Variants in COX7B2 observed in about 807,000 individuals in gnomAD.
COX7B2 encodes the protein cytochrome c oxidase subunit 7B2.
For missense variants in COX7B2, 109 were observed against 95.9 expected (o/e 1.14, Z -0.57); for synonymous variants, 37 against 32.1 (o/e 1.15, Z -0.51).
intron 2 of COX7B2, among the ~76,000 whole-genome samples, chr4:46,768,426 C>T (rs1387762201): frequency 6.6e-6 from 1 of 152,166 alleles, no homozygotes; most frequent in Non-Finnish European, 1.5e-5. Context: ...CTCTGCTCCT[C>T]TGCCACTGGA....
At chr4:46,837,274 TACACACACACACACACACACACACAC>T (rs33927124) in intron 2 of COX7B2, among the ~76,000 whole-genome samples, 1 of 133,260 alleles carries the variant, frequency 7.5e-6, no homozygotes, top group Non-Finnish European at 1.7e-5. Flanking sequence ...CACAAAGACA[TACACACACACACACACACACACACAC>T]ACACACACAC....
intron 2 of COX7B2, among the ~76,000 whole-genome samples, chr4:46,794,976 C>T (rs1718246023): frequency 6.6e-6 from 1 of 152,178 alleles, no homozygotes; most frequent in Admixed American, 6.5e-5. Context: ...ATTCAGAACC[C>T]CTAGAATAAA....
chr4:46,808,183 T>C (rs566420204), intron 2 of COX7B2, among the ~76,000 whole-genome samples: 2 of 152,008 alleles, frequency 1.3e-5, no homozygotes, highest in South Asian at 4.1e-4. Context: ...TTTATTTGTG[T>C]CTTTTCAATC....
At chr4:46,792,490 C>A (rs1241063667) in intron 2 of COX7B2, among the ~76,000 whole-genome samples, 1 of 152,188 alleles carries the variant, frequency 6.6e-6, no homozygotes, top group Non-Finnish European at 1.5e-5. Context: ...TTTGAATTCT[C>A]TCTTTCTCTC....
intron 2 of COX7B2, among the ~76,000 whole-genome samples, chr4:46,825,010 A>G (rs1003347707): frequency 2.0e-5 from 3 of 152,118 alleles, no homozygotes; most frequent in Admixed American, 2.0e-4. Flanking sequence ...CTCATCTTCA[A>G]CACAATATTG....
rs1716290504 is a variant in COX7B2 at position 46,763,032 on chromosome 4, AAT to A, written c.-49-27793_-49-27792del. Among the ~76,000 whole-genome samples, 6 of 132,132 alleles carry A rather than the reference AAT, an allele frequency of 4.5e-5. No individual in the cohort carries two copies. The East Asian group carries it at 8.0e-4, about 18-fold the overall frequency. 86.7% of individuals were successfully genotyped at this position (132,132 alleles called of 152,430 possible). On this transcript the variant is annotated intron_variant, in intron 2 of 2. Coordinates refer to ENST00000355591, the MANE Select transcript of COX7B2 (RefSeq NM_130902.3). The stretch of plus-strand genomic sequence containing the variant: ...ATAATTATAATATATAATATAATAT[AAT>A]ATATATTATATATTATAATATGTAA...
intron 1 of COX7B2, among the ~76,000 whole-genome samples, chr4:46,868,846 G>GTA (rs1191907091): frequency 6.6e-6 from 1 of 152,166 alleles, no homozygotes; most frequent in African/African-American, 2.4e-5. Context: ...TGTGTATTCT[G>GTA]TTGGTTTTTG....
chr4:46,835,142 G>A (rs1303029602), intron 2 of COX7B2, among the ~76,000 whole-genome samples: 1 of 152,018 alleles, frequency 6.6e-6, no homozygotes, highest in Non-Finnish European at 1.5e-5. Context: ...GTAAGAAAAG[G>A]GGGATTATTA....
intron 2 of COX7B2, among the ~76,000 whole-genome samples, chr4:46,786,207 C>T (rs1345676633): frequency 1.3e-5 from 2 of 152,124 alleles, no homozygotes; most frequent in African/African-American, 4.8e-5. Context: ...AAGTATCTTG[C>T]CATTCCTGCT....
At chr4:46,807,715 TTTGCATATGGAAATCTA>T (rs1333869603) in intron 2 of COX7B2, among the ~76,000 whole-genome samples, 3 of 151,996 alleles carry the variant, frequency 2.0e-5, no homozygotes, top group African/African-American at 4.8e-5. Context: ...ACTTCATTCT[TTTGCATATGGAAATCTA>T]TTGCATATGG....
At chr4:46,835,332 G>T (rs978486193) in intron 2 of COX7B2, among the ~76,000 whole-genome samples, 2 of 152,000 alleles carry the variant, frequency 1.3e-5, no homozygotes, top group Non-Finnish European at 2.9e-5. Context: ...TTAGCAAATT[G>T]AATGTTTCTC....
At chr4:46,750,394 A>T (rs1465135174) in intron 2 of COX7B2, among the ~76,000 whole-genome samples, 1 of 152,166 alleles carries the variant, frequency 6.6e-6, no homozygotes. Context: ...CTTTGTCTCA[A>T]AACAAAAACA....
chr4:46,884,129 CA>C (rs1441504135), intron 1 of COX7B2, among the ~76,000 whole-genome samples: 2 of 146,858 alleles, frequency 1.4e-5, no homozygotes, highest in Non-Finnish European at 3.0e-5. Flanking sequence ...ATAACTAGCC[CA>C]AGAGTCAAAA....
Position 46,877,084 on chromosome 4 carries a change from T to C in COX7B2, c.-104-32070A>G, listed in dbSNP as rs146551106. Among the ~76,000 whole-genome samples, 588 of 152,290 alleles carry C rather than the reference T, an allele frequency of 3.9e-3. 11 individuals carry two copies. Among genetic ancestry groups the C allele is most frequent in the East Asian group, 3.7e-3 (19 of 5,172 alleles). ...CCAGTTTCAGTTCTAGTATGACAGA[T>C]GGCAAAATGATCTAAAATTCCTAAA... On this transcript the variant is annotated intron_variant, in intron 1 of 2. Coordinates refer to ENST00000355591, the MANE Select transcript of COX7B2 (RefSeq NM_130902.3).
intron 2 of COX7B2, among the ~76,000 whole-genome samples, chr4:46,787,190 G>A (rs1717794609): frequency 6.6e-6 from 1 of 152,208 alleles, no homozygotes; most frequent in Admixed American, 6.5e-5. Context: ...GCTCACGCCT[G>A]TAATCCCAGC....
chr4:46,824,780 C>T (rs956547289), intron 2 of COX7B2, among the ~76,000 whole-genome samples: 1 of 150,310 alleles, frequency 6.7e-6, no homozygotes, highest in Admixed American at 6.6e-5. Flanking sequence ...AGACAAAAAA[C>T]ACATGATTAT....
At chr4:46,786,328 A>T (rs1717752154) in intron 2 of COX7B2, among the ~76,000 whole-genome samples, 1 of 152,232 alleles carries the variant, frequency 6.6e-6, no homozygotes, top group South Asian at 2.1e-4. Context: ...TACATGTGAA[A>T]CATACTTTAT....
chr4:46,773,358 T>C (rs796322019), intron 2 of COX7B2, among the ~76,000 whole-genome samples: 6 of 152,154 alleles, frequency 3.9e-5, no homozygotes, highest in African/African-American at 1.4e-4. Context: ...AAGGGGCTTT[T>C]CCCCCTTTGC....
At chr4:46,750,853 T>A (rs887818573) in intron 2 of COX7B2, among the ~76,000 whole-genome samples, 2 of 152,180 alleles carry the variant, frequency 1.3e-5, no homozygotes, top group African/African-American at 2.4e-5. Context: ...TCTTTCCTTA[T>A]AAAGTCACCA....
Sources: allele counts gnomAD v4.1 joint callset (sites outside exome capture counted in the v4.1 genomes callset), GRCh38; gene constraint gnomAD v4.1.1; transcripts MANE v1.5; gene names NCBI Gene and HGNC (gene_info 2026-07-23, HGNC 2026-07-21).